The following SPON1 variants were observed in gnomAD, a reference collection of about 807,000 sequenced individuals.
SPON1 encodes spondin-1.
In SPON1, 52 loss-of-function variants were observed where a neutral mutation model predicts 111.7. The observed-to-expected ratio is 0.47, with a 90% CI of 0.37 to 0.59. The LOEUF (loss-of-function observed/expected upper bound fraction) is 0.59. Among genes scored for constraint, SPON1 ranks in the 20% least tolerant of loss-of-function variants. The pLI is 0.00. For missense variants in SPON1, 957 were observed against 1,068.5 expected, an observed-to-expected ratio of 0.90 and a Z score of 1.46; for synonymous variants, 410 against 395.8, an observed-to-expected ratio of 1.04 and a Z score of -0.43.
In SPON1 at chr11:13,967,415, T is replaced by C. The variant is rs561315272; in HGVS notation, c.238+4273T>C. Among the ~76,000 whole-genome samples, 235 of 152,260 alleles carry C rather than the reference T, an allele frequency of 1.5e-3. 1 individual carries two copies. Among genetic ancestry groups the C allele is most frequent in the African/African-American group, 5.3e-3 (222 of 41,546 alleles). Reference sequence around the variant, plus strand: ...CTGTTTTCTCTTATTGGCTTCAGTGTTGCATTTCCCCATAAACTAGAGGAT... The same window carrying C: ...CTGTTTTCTCTTATTGGCTTCAGTGCTGCATTTCCCCATAAACTAGAGGAT... On this transcript the variant is annotated intron_variant, in intron 1 of 15. Transcript: ENST00000576479.
rs912077582 is a variant in SPON1 at position 14,228,134 on chromosome 11, T to G, written c.826-15198T>G. 3.9e-5 allele frequency among the ~76,000 whole-genome samples: 6 copies of G among 152,186 alleles called. No homozygotes were observed. The highest frequency in any genetic ancestry group is 8.8e-5 in the Non-Finnish European group (6 of 68,022). Reference sequence around the variant, plus strand: ...GCTGAAATTAAATGACTGCTCACAATCTCGATGCAATGCTGACCCTCGTAG... The same window carrying G: ...GCTGAAATTAAATGACTGCTCACAAGCTCGATGCAATGCTGACCCTCGTAG... On this transcript the variant is annotated intron_variant, in intron 6 of 15. Transcript: ENST00000576479. The surrounding 1 kb of genome is among the most constrained non-coding windows in gnomAD (Gnocchi z 4.2).
At chr11:14,119,232 T>G (rs115454394) in intron 5 of SPON1, among the ~76,000 whole-genome samples, 3 of 152,098 alleles carry the variant, frequency 2.0e-5, no homozygotes, top group African/African-American at 7.2e-5. Flanking sequence ...AGGCAAGGAC[T>G]GCAGGTACTT....
intron 5 of SPON1, among the ~76,000 whole-genome samples, chr11:14,127,744 C>T (rs61883789): frequency 0.012 from 1,805 of 152,266 alleles, 21 homozygotes; most frequent in Non-Finnish European, 0.017. Flanking sequence ...GTGTATTAGT[C>T]CATTTTCACA....
rs1407135695 is a variant in SPON1 at position 14,161,579 on chromosome 11, A to G, written c.825+26011A>G. Among the ~76,000 whole-genome samples, 8 of 151,774 alleles carry G rather than the reference A, an allele frequency of 5.3e-5. 1 individual carries two copies. The East Asian group carries it at 1.6e-3, about 30-fold the overall frequency. On this transcript the variant is annotated intron_variant, in intron 6 of 15. Transcript: ENST00000576479. Reference sequence around the variant, plus strand: ...GGTGATCCACCCACCTCGGCCTCCCAGTGTGCCGGGATTACAGGCATGAGC... The same window carrying G: ...GGTGATCCACCCACCTCGGCCTCCCGGTGTGCCGGGATTACAGGCATGAGC...
At chr11:14,104,562 T>C (rs1215104600) in intron 5 of SPON1, among the ~76,000 whole-genome samples, 1 of 152,074 alleles carries the variant, frequency 6.6e-6, no homozygotes, top group Non-Finnish European at 1.5e-5. Flanking sequence ...ACTGCTTCCA[T>C]TTTTCATTGA....
intron 6 of SPON1, among the ~76,000 whole-genome samples, chr11:14,149,754 G>A (rs1847765830): frequency 1.3e-5 from 2 of 152,292 alleles, no homozygotes; most frequent in African/African-American, 4.8e-5. Context: ...GCCACATGCT[G>A]TACAGGTTTA....
intron 6 of SPON1, among the ~76,000 whole-genome samples, chr11:14,166,097 T>TA (rs35379587): frequency 0.19 from 29,574 of 152,078 alleles, 2,975 homozygotes; most frequent in Admixed American, 0.25. Context: ...GTACACAAGG[T>TA]ATGAGGCCAG....
chr11:14,160,663 A>ATATTTTTT (rs1847917433), intron 6 of SPON1, among the ~76,000 whole-genome samples: 1 of 25,206 alleles, frequency 4.0e-5, no homozygotes, highest in Non-Finnish European at 6.4e-5. Flanking sequence ...ATATTTATAT[A>ATATTTTTT]TATATTTACA....
At chr11:14,025,352 T>C (rs1848509708) in intron 2 of SPON1, among the ~76,000 whole-genome samples, 1 of 152,240 alleles carries the variant, frequency 6.6e-6, no homozygotes, top group African/African-American at 2.4e-5. Flanking sequence ...ATTCTACAAA[T>C]ATTGATCAAG....
intron 3 of SPON1, among the ~76,000 whole-genome samples, chr11:14,051,855 T>C (rs1020644696): frequency 7.2e-5 from 11 of 152,360 alleles, no homozygotes; most frequent in Middle Eastern, 3.4e-3. Flanking sequence ...GCATGTCTTA[T>C]ATATGTCTTA....
rs77298731 is a variant in SPON1, at chr11:13,985,345, T to C, written c.345+2392T>C. Among the ~76,000 whole-genome samples the C allele has an allele frequency of 1.5e-3, 228 of 152,374 alleles. 1 individual carries two copies. Among genetic ancestry groups the C allele is most frequent in the African/African-American group, 5.3e-3 (221 of 41,590 alleles). ...ACAATAGCTAACACTTAAACAGTGCTTGTGTGCCAGATACTGTTCTGAGTG... is the reference window on the plus strand; with the variant it reads ...ACAATAGCTAACACTTAAACAGTGCCTGTGTGCCAGATACTGTTCTGAGTG... On this transcript the variant is annotated intron_variant, in intron 2 of 15. Transcript: ENST00000576479.
chr11:14,210,633 C>A (rs536501871), intron 6 of SPON1, among the ~76,000 whole-genome samples: 12 of 152,204 alleles, frequency 7.9e-5, no homozygotes, highest in African/African-American at 2.6e-4. Flanking sequence ...CTCCTGACCT[C>A]GTGATCCACC....
intron 6 of SPON1, among the ~76,000 whole-genome samples, chr11:14,203,097 G>C (rs1848481912): frequency 6.6e-6 from 1 of 152,198 alleles, no homozygotes; most frequent in Non-Finnish European, 1.5e-5. Context: ...TTAGGAGGTT[G>C]ATCCCTCCTC....
chr11:14,167,825 T>A (rs543325909), intron 6 of SPON1, among the ~76,000 whole-genome samples: 2 of 152,204 alleles, frequency 1.3e-5, no homozygotes, highest in East Asian at 3.9e-4. Flanking sequence ...CCTAAATAAT[T>A]TCTCTTAAAT....
chr11:14,204,511 C>G (rs1554935979), intron 6 of SPON1, among the ~76,000 whole-genome samples: 2 of 152,064 alleles, frequency 1.3e-5, no homozygotes, highest in East Asian at 3.9e-4. Flanking sequence ...TGGTCTCAAA[C>G]TCCTGGGCTC....
At chr11:14,000,209 A>T in intron 2 of SPON1, among the ~76,000 whole-genome samples, 1 of 151,870 alleles carries the variant, frequency 6.6e-6, no homozygotes. Flanking sequence ...CAAAAACTCT[A>T]TTTCCTCATC....
chr11:14,113,952 TAGGGTAC>T (rs1849247965), intron 5 of SPON1, among the ~76,000 whole-genome samples: 1 of 152,170 alleles, frequency 6.6e-6, no homozygotes, highest in South Asian at 2.1e-4. Flanking sequence ...TATATGTGTA[TAGGGTAC>T]ATGAGATGTT....
chr11:14,033,507 A>T (rs924151132), intron 2 of SPON1, among the ~76,000 whole-genome samples: 1 of 152,086 alleles, frequency 6.6e-6, no homozygotes, highest in Non-Finnish European at 1.5e-5. Flanking sequence ...TCAAGATTAG[A>T]TTTAGGGAAG....
intron 6 of SPON1, among the ~76,000 whole-genome samples, chr11:14,233,574 C>A (rs1848827263): frequency 6.6e-6 from 1 of 152,140 alleles, no homozygotes; most frequent in Non-Finnish European, 1.5e-5. Context: ...GTTTAATTAA[C>A]TAATTCATTA....
Sources: gnomAD v4.1 joint callset for allele counts (sites outside exome capture counted in the v4.1 genomes callset) on GRCh38, gnomAD v4.1.1 for gene constraint, Gnocchi (gnomAD v3.1) non-coding constraint, MANE v1.5 for transcripts, NCBI Gene and HGNC (gene_info 2026-07-23, HGNC 2026-07-21) for gene names.